Variants in UGT2B10 observed in about 807,000 individuals in gnomAD.
UGT2B10 encodes UDP-glucuronosyltransferase 2B10.
In UGT2B10, 51 loss-of-function variants were observed where a neutral mutation model predicts 43.7. The observed-to-expected ratio is 1.17, with a 90% CI of 0.93 to 1.47. The LOEUF is 1.47. Ranked by LOEUF, UGT2B10 falls within the 40% of genes most tolerant of loss-of-function variation. UGT2B10 has a pLI of 0.00. For synonymous variants in UGT2B10, 225 were observed against 209.0 expected, an observed-to-expected ratio of 1.08 and a Z score of -0.66; for missense variants, 696 against 617.7, an observed-to-expected ratio of 1.13 and a Z score of -1.34.
chr4:68,830,181 C>T (rs1463580470), intron 5 of UGT2B10, among the ~76,000 whole-genome samples: 4 of 151,900 alleles, frequency 2.6e-5, no homozygotes, highest in African/African-American at 7.2e-5. Flanking sequence ...GGAATGTGTT[C>T]ATAATACAAA....
chr4:68,821,904 G>A (rs1737519251), intron 2 of UGT2B10, among the ~76,000 whole-genome samples: 2 of 151,892 alleles, frequency 1.3e-5, no homozygotes, highest in South Asian at 4.2e-4. Context: ...TTAAACCCTA[G>A]TGGTGCCACT....
Position 68,826,489 on chromosome 4 carries a change from A to T in UGT2B10, c.1079A>T (p.Asp360Val). 1 of 1,612,028 alleles carries T rather than the reference A, an allele frequency of 6.2e-7. No homozygotes were observed. The highest frequency in any genetic ancestry group is 1.7e-5 in the Admixed American group (1 of 59,812). Reference sequence around the variant, plus strand: ...CTGTACAAGTGGATACCCCAGAATGACCTTCTAGGTAACACTCTGGTGAAC... The same window carrying T: ...CTGTACAAGTGGATACCCCAGAATGTCCTTCTAGGTAACACTCTGGTGAAC... ...TRLYKWIPQN[D>V]LLGHPKTRAF... Residue 360 changes from aspartate (D) to valine (V), a missense_variant, in exon 4 of 6, where the codon GAC becomes GTC. Asp to Val is a radical substitution (Grantham distance 152). Transcript: ENST00000265403.
chr4:68,827,423 G>A lies in UGT2B10; in HGVS notation c.1182G>A (p.Leu394=), dbSNP rs1737843580. The A allele has an allele frequency of 1.9e-6, 3 of 1,613,502 alleles. No homozygotes were observed. Among genetic ancestry groups the A allele is most frequent in the Non-Finnish European group, 2.5e-6 (3 of 1,179,632 alleles). ...YHGIPMVGIP[L]FFDQPDNIAH... ...GGATCCCTATGGTGGGCATTCCATT[G>A]TTTTTTGATCAACCTGATAATATTG... The change falls in exon 5 of 6, where the codon TTG becomes TTA. Residue 394 remains leucine, a synonymous_variant. Transcript: ENST00000265403.
chr4:68,830,694 C>A lies in UGT2B10; in HGVS notation c.1402C>A (p.Arg468Ser), dbSNP rs371487094. The change falls in exon 6 of 6, where the codon CGC (arginine) becomes AGC (serine). Residue 468 changes from arginine to serine, a missense_variant. Arg to Ser is a moderately radical substitution (Grantham distance 110). Transcript: ENST00000265403. ...AGTCTTCTGGATTGAATTTGTCATG[C>A]GCCACAAAGGAGCCAAACATCTTCG... is the stretch of plus-strand genomic sequence containing the variant. ...RAVFWIEFVM[R>S]HKGAKHLRVA... 50 of 1,613,206 alleles carry A rather than the reference C, an allele frequency of 3.1e-5. No homozygotes were observed. Among genetic ancestry groups the A allele is most frequent in the African/African-American group, 6.7e-5 (5 of 74,858 alleles).
intron 2 of UGT2B10, among the ~76,000 whole-genome samples, chr4:68,818,742 A>G (rs1737349029): frequency 6.6e-6 from 1 of 152,004 alleles, no homozygotes; most frequent in East Asian, 1.9e-4. Flanking sequence ...GGGGAGAGAC[A>G]GACAAAAAGG....
chr4:68,816,726 G>A lies in UGT2B10; in HGVS notation c.707G>A (p.Ser236Asn). The part of the protein sequence containing the change: ...FNMKKWDQFY[S>N]EVLGRPTTLS... ...ATGAAGAAGTGGGATCAGTTTTACAGTGAAGTTTTAGGTAAGATTTTTTTC... is the reference window on the plus strand; with the variant it reads ...ATGAAGAAGTGGGATCAGTTTTACAATGAAGTTTTAGGTAAGATTTTTTTC... The change falls in exon 1 of 6, where the codon AGT becomes AAT. Residue 236 changes from serine to asparagine, a missense_variant. By Grantham distance (46) the Ser-to-Asn change is conservative (BLOSUM62 1). Transcript: ENST00000265403. The A allele has an allele frequency of 6.3e-7, 1 of 1,597,558 alleles. No homozygotes were observed. The highest frequency in any genetic ancestry group is 8.5e-7 in the Non-Finnish European group (1 of 1,172,782).
At chr4:68,822,125 A>G in intron 2 of UGT2B10, 146 bp from the exon 3 acceptor site, 1 of 1,240,378 alleles carries the variant, frequency 8.1e-7, no homozygotes, top group Non-Finnish European at 1.1e-6. Flanking sequence ...AGAAACAGTG[A>G]TTGAGTCAGT....
intron 3 of UGT2B10, among the ~76,000 whole-genome samples, chr4:68,822,712 G>A (rs1902932): frequency 0.1 from 15,272 of 152,052 alleles, 877 homozygotes; most frequent in African/African-American, 0.16. Context: ...AATTTCTGAT[G>A]TTAACAGTCA....
chr4:68,817,955 C>G, intron 1 of UGT2B10, 74 bp from the exon 2 acceptor site: 2 of 1,551,670 alleles, frequency 1.3e-6, no homozygotes, highest in Non-Finnish European at 1.7e-6. Context: ...CTGCATTATT[C>G]TAACCCCTTT....
In UGT2B10 at chr4:68,830,733, A is replaced by G. The variant is rs112561475; in HGVS notation, c.1441A>G (p.Asn481Asp). ...GAKHLRVAAH[N>D]LTWFQYHSLD... ...CAAACATCTTCGAGTTGCAGCCCAC[A>G]ACCTCACCTGGTTCCAGTACCACTC... is the stretch of plus-strand genomic sequence containing the variant. The change falls in exon 6 of 6, where the codon AAC (asparagine) becomes GAC (aspartate). Residue 481 changes from asparagine to aspartate, a missense_variant. Transcript: ENST00000265403. The G allele has an allele frequency of 0.023, 36,566 of 1,613,382 alleles. 668 individuals are homozygous for G. Among genetic ancestry groups the G allele is most frequent in the Middle Eastern group, 0.085 (512 of 6,048 alleles).
chr4:68,818,266 A>G (rs1462775734), intron 2 of UGT2B10, 89 bp downstream of exon 2: 1 of 1,559,186 alleles, frequency 6.4e-7, no homozygotes, highest in African/African-American at 1.4e-5. Context: ...TTTGACTAAC[A>G]CTGAAAAAGA....
Position 68,830,951 on chromosome 4 carries a change from G to A in UGT2B10, c.*72G>A, listed in dbSNP as rs1201199989. 19 of 1,512,470 alleles carry A rather than the reference G, an allele frequency of 1.3e-5. No homozygotes were observed. The highest frequency in any genetic ancestry group is 2.2e-5 in the Admixed American group (1 of 45,724). The allele number at this position is 1,512,470 out of a possible 1,614,324, so 93.7% of individuals were successfully genotyped here. On this transcript the variant is annotated 3_prime_UTR_variant, in exon 6 of 6. Transcript: ENST00000265403. The stretch of plus-strand genomic sequence containing the variant: ...TCAGTTGATTCCAGCAATAAATATT[G>A]TGATGCAAGATTTCTTTCTTCCTGT...
At chr4:68,826,290 T>G in intron 3 of UGT2B10, 120 bp from the exon 4 acceptor site, 1 of 1,095,734 alleles carries the variant, frequency 9.1e-7, no homozygotes, top group Non-Finnish European at 1.3e-6. Flanking sequence ...TTTGCATCAG[T>G]CTTTGAGTAG....
In UGT2B10 at chr4:68,816,167, C is replaced by T. The variant is rs764151983; in HGVS notation, c.148C>T (p.His50Tyr). 17 of 1,613,320 alleles carry T rather than the reference C, an allele frequency of 1.1e-5. No homozygotes were observed. Among genetic ancestry groups the T allele is most frequent in the Non-Finnish European group, 1.4e-5 (17 of 1,179,492 alleles). The change falls in exon 1 of 6, where the codon CAT (histidine) becomes TAT (tyrosine). Residue 50 changes from histidine to tyrosine, a missense_variant. Transcript: ENST00000265403. ...CCTGAAAGAACTTGTTCAGAGAGGT[C>T]ATGAGGTGACTGTACTGGCATCTTC... ...TILKELVQRG[H>Y]EVTVLASSAS...
intron 3 of UGT2B10, 32 bp from the exon 4 acceptor site, chr4:68,826,378 C>T (rs369405841): frequency 3.7e-5 from 58 of 1,587,828 alleles, no homozygotes; most frequent in African/African-American, 2.9e-4. Flanking sequence ...GAGTTCCACT[C>T]GTGGAATAAG....
intron 2 of UGT2B10, 150 bp from the exon 3 acceptor site, chr4:68,822,121 A>G (rs1737531199): frequency 4.2e-6 from 5 of 1,204,212 alleles, no homozygotes; most frequent in Non-Finnish European, 5.8e-6. Flanking sequence ...GCAAAGAAAC[A>G]GTGATTGAGT....
intron 4 of UGT2B10, among the ~76,000 whole-genome samples, chr4:68,827,092 CT>C (rs1737818329): frequency 6.6e-6 from 1 of 151,996 alleles, no homozygotes; most frequent in Admixed American, 6.6e-5. Context: ...CTAGAATGCT[CT>C]TTTTCATTAG....
At chr4:68,817,647 G>C (rs564427874) in intron 1 of UGT2B10, among the ~76,000 whole-genome samples, 2 of 151,604 alleles carry the variant, frequency 1.3e-5, no homozygotes, top group Non-Finnish European at 3.0e-5. Flanking sequence ...TGTTTCTATG[G>C]TTACTGTAGA....
chr4:68,818,022 C>T lies in UGT2B10; in HGVS notation c.719-7C>T. ...CATCCACTTCTTCTTTTCTTTATTC[C>T]TATCAGGAAGACCCACTACATTATC... On this transcript the variant is annotated splice_polypyrimidine_tract_variant and splice_region_variant and intron_variant, in intron 1 of 5. Coordinates refer to ENST00000265403, the MANE Select transcript of UGT2B10 (RefSeq NM_001075.6). 14 of 1,601,354 alleles carry T rather than the reference C, an allele frequency of 8.7e-6. No individual in the cohort carries two copies. Among genetic ancestry groups the T allele is most frequent in the Non-Finnish European group, 1.2e-5 (14 of 1,176,014 alleles).
Sources: gnomAD v4.1 joint callset for allele counts (sites outside exome capture counted in the v4.1 genomes callset) on GRCh38, gnomAD v4.1.1 for gene constraint, MANE v1.5 for transcripts, NCBI Gene and HGNC (gene_info 2026-07-23, HGNC 2026-07-21) for gene names.